CTNNA2: variants seen among roughly 807,000 people sequenced by gnomAD.
CTNNA2 encodes the protein catenin alpha-2.
A neutral mutation model predicts 101.0 loss-of-function variants in CTNNA2; 42 were observed. That is an observed-to-expected ratio of 0.42 (90% CI 0.32 to 0.54). CTNNA2 has a LOEUF of 0.54. CTNNA2 is among the 20% of genes least tolerant of loss of function. The pLI is 0.14. For missense variants in CTNNA2, 871 were observed against 1,223.1 expected (o/e 0.71, Z 4.29); for synonymous variants, 450 against 456.4 (o/e 0.99, Z 0.18).
At chr2:79,635,243 A>G (rs1007397389) in intron 1 of CTNNA2, among the ~76,000 whole-genome samples, 27 of 152,174 alleles carry the variant, frequency 1.8e-4, no homozygotes, top group African/African-American at 6.5e-4. Flanking sequence ...CATCCCGGCT[A>G]ACACGGTGAA....
At chr2:80,646,170 C>G (rs1674068072) in intron 18 of CTNNA2, among the ~76,000 whole-genome samples, 1 of 152,042 alleles carries the variant, frequency 6.6e-6, no homozygotes, top group Admixed American at 6.6e-5. Flanking sequence ...ACCATAAGAT[C>G]TACAGTCTCT....
intron 15 of CTNNA2, among the ~76,000 whole-genome samples, chr2:80,602,853 C>T (rs1697667885): frequency 6.6e-6 from 1 of 151,974 alleles, no homozygotes; most frequent in Admixed American, 6.6e-5. Flanking sequence ...TGTATTTAAA[C>T]ATTAATAGAA....
At chr2:79,654,688 G>T (rs1293152200) in intron 2 of CTNNA2, among the ~76,000 whole-genome samples, 1 of 152,152 alleles carries the variant, frequency 6.6e-6, no homozygotes. Flanking sequence ...AAATTCCAGG[G>T]ATTAGAATGT....
chr2:79,725,487 C>A (rs537326520), intron 2 of CTNNA2, among the ~76,000 whole-genome samples: 18 of 152,312 alleles, frequency 1.2e-4, no homozygotes, highest in African/African-American at 4.3e-4. Flanking sequence ...GGAGAAGGGA[C>A]ACTGTTGAAT....
chr2:80,536,084 A>G (rs1160013708), intron 9 of CTNNA2, among the ~76,000 whole-genome samples: 3 of 152,128 alleles, frequency 2.0e-5, no homozygotes, highest in African/African-American at 7.2e-5. Context: ...ACTGTTATTG[A>G]ATTGTGAAAC....
Position 80,081,293 on chromosome 2 carries a change from G to A in CTNNA2, c.1056+171496G>A, listed in dbSNP as rs187076021. Among the ~76,000 whole-genome samples, 281 of 151,972 alleles carry A rather than the reference G, an allele frequency of 1.8e-3. 1 individual carries two copies. The highest frequency in any genetic ancestry group is 2.8e-3 in the Non-Finnish European group (188 of 67,984). On this transcript the variant is annotated intron_variant, in intron 7 of 18. Transcript: ENST00000402739. ...TTATAGCAGGCTTTACATAAATTTC[G>A]AGGAGGATTGGGGTATAAAACTGTC...
chr2:79,676,315 C>T (rs548229699), intron 2 of CTNNA2, among the ~76,000 whole-genome samples: 1 of 152,230 alleles, frequency 6.6e-6, no homozygotes, highest in South Asian at 2.1e-4. Flanking sequence ...AGCATTAGAC[C>T]TAAGCCAGGG....
At chr2:80,373,613 C>CTTTA (rs1323940170) in intron 7 of CTNNA2, among the ~76,000 whole-genome samples, 2 of 152,036 alleles carry the variant, frequency 1.3e-5, no homozygotes, top group Admixed American at 1.3e-4. Flanking sequence ...CTTTACTTTG[C>CTTTA]TTTATTTATT....
At chr2:80,131,217 C>T (rs990637979) in intron 7 of CTNNA2, among the ~76,000 whole-genome samples, 3 of 152,112 alleles carry the variant, frequency 2.0e-5, no homozygotes, top group African/African-American at 7.2e-5. Flanking sequence ...CACCACCACA[C>T]CTGGCTAATT....
chr2:79,609,895 A>G (rs1678152704), intron 1 of CTNNA2, among the ~76,000 whole-genome samples: 1 of 152,156 alleles, frequency 6.6e-6, no homozygotes, highest in South Asian at 2.1e-4. Flanking sequence ...TACACTGCAA[A>G]AGCATAATCC....
chr2:80,002,863 T>G (rs1049313218), intron 7 of CTNNA2, among the ~76,000 whole-genome samples: 3 of 152,156 alleles, frequency 2.0e-5, no homozygotes, highest in Admixed American at 2.0e-4. Flanking sequence ...CCTGTTTAGC[T>G]TCCTTTCCCT....
At chr2:80,309,588 G>A (rs1677345459) in intron 7 of CTNNA2, among the ~76,000 whole-genome samples, 1 of 152,134 alleles carries the variant, frequency 6.6e-6, no homozygotes, top group Non-Finnish European at 1.5e-5. Flanking sequence ...AGTGAAATAG[G>A]GCTAAGGATG....
At chr2:79,218,503 C>T (rs1674299216) in intron 2 of CTNNA2, among the ~76,000 whole-genome samples, 1 of 151,832 alleles carries the variant, frequency 6.6e-6, no homozygotes, top group Admixed American at 6.6e-5. Flanking sequence ...CTGTAAGTGT[C>T]AGTGAAAAAA....
chr2:80,313,055 A>G (rs537392991), intron 7 of CTNNA2, among the ~76,000 whole-genome samples: 1 of 152,326 alleles, frequency 6.6e-6, no homozygotes, highest in African/African-American at 2.4e-5. Context: ...AAACCTCTAT[A>G]TTACATTGAC....
rs142801431 is a variant in CTNNA2 at position 80,187,347 on chromosome 2, T to C, written c.1057-205864T>C. ...AGGAGGAGGGAGGTGAAGAAAGATATGGTGATGAAAAATAGTACACAGTAG... is the reference window on the plus strand; with the variant it reads ...AGGAGGAGGGAGGTGAAGAAAGATACGGTGATGAAAAATAGTACACAGTAG... On this transcript the variant is annotated intron_variant, in intron 7 of 18. Transcript: ENST00000402739. 2.6e-4 allele frequency among the ~76,000 whole-genome samples: 39 copies of C among 152,278 alleles called. No homozygotes were observed. In the East Asian group the frequency reaches 7.3e-3, roughly 29 times the overall value.
chr2:79,855,323 A>G (rs1055519134), intron 3 of CTNNA2, among the ~76,000 whole-genome samples: 2 of 152,038 alleles, frequency 1.3e-5, no homozygotes, highest in African/African-American at 4.8e-5. Flanking sequence ...TCCACCTAAG[A>G]TCTCTGCACT....
intron 1 of CTNNA2, among the ~76,000 whole-genome samples, chr2:79,601,742 T>C (rs1677566170): frequency 6.6e-6 from 1 of 152,150 alleles, no homozygotes; most frequent in African/African-American, 2.4e-5. Flanking sequence ...TCCATAGGAG[T>C]TAAGCTGTCA....
In CTNNA2 at chr2:79,849,948, G is replaced by A. The variant is rs551325864; in HGVS notation, c.299-8065G>A. Among the ~76,000 whole-genome samples the A allele has an allele frequency of 1.7e-3, 252 of 152,214 alleles. 2 individuals are homozygous for A. The highest frequency in any genetic ancestry group is 5.5e-3 in the African/African-American group (230 of 41,538). On this transcript the variant is annotated intron_variant, in intron 3 of 18. Coordinates refer to ENST00000402739, the MANE Select transcript of CTNNA2 (RefSeq NM_001282597.3). ...CTTGAGGGAATATACCTTGTCAACC[G>A]ATGTAAGGTATGATTAAATAAATTA...
rs139495268 is a variant in CTNNA2, at chr2:79,935,096, T to C, written c.1056+25299T>C. ...GACACCCATCTTCCTCCCTAATGAA[T>C]AATAACAACAATGAAAATAATGACT... On this transcript the variant is annotated intron_variant, in intron 7 of 18. Coordinates refer to ENST00000402739, the MANE Select transcript of CTNNA2 (RefSeq NM_001282597.3). 9.9e-5 allele frequency among the ~76,000 whole-genome samples: 15 copies of C among 152,262 alleles called. No homozygotes were observed. The East Asian group carries it at 2.9e-3, about 29-fold the overall frequency.
Sources: gnomAD v4.1 joint callset for allele counts (sites outside exome capture counted in the v4.1 genomes callset) on GRCh38, gnomAD v4.1.1 for gene constraint, MANE v1.5 for transcripts, NCBI Gene and HGNC (gene_info 2026-07-23, HGNC 2026-07-21) for gene names.